GRM8: variants seen among roughly 807,000 people sequenced by gnomAD.
The protein encoded by GRM8 is metabotropic glutamate receptor 8.
A neutral mutation model predicts 87.2 loss-of-function variants in GRM8; 47 were observed. The ratio of observed to expected loss-of-function variants is 0.54; its 90% confidence interval spans 0.43 to 0.69. The LOEUF (loss-of-function observed/expected upper bound fraction) is 0.69, where lower values mean the gene tolerates loss of function less well. Ranked by LOEUF, GRM8 falls within the 30% of genes least tolerant of loss-of-function variation. The pLI, the probability that GRM8 is intolerant of heterozygous loss-of-function variation, is 0.00. For synonymous variants in GRM8, 396 were observed against 404.5 expected (o/e 0.98, Z 0.25); for missense variants, 1,019 against 1,139.2 (o/e 0.89, Z 1.52).
chr7:127,015,319 C>A (rs1208469026), intron 3 of GRM8, among the ~76,000 whole-genome samples: 1 of 151,618 alleles, frequency 6.6e-6, no homozygotes, highest in African/African-American at 2.4e-5. Context: ...GAGGAAGAGT[C>A]ATTCTGAGCA....
intron 7 of GRM8, among the ~76,000 whole-genome samples, chr7:126,630,084 A>C (rs893383473): frequency 4.6e-5 from 7 of 152,086 alleles, no homozygotes; most frequent in African/African-American, 1.7e-4. Context: ...TAAAACATGA[A>C]ATTCTTAACA....
At chr7:126,978,994 A>G (rs1195648867) in intron 3 of GRM8, among the ~76,000 whole-genome samples, 1 of 152,190 alleles carries the variant, frequency 6.6e-6, no homozygotes, top group African/African-American at 2.4e-5. Context: ...GCTAAATATA[A>G]TAGTCTGTCT....
chr7:126,798,202 T>C (rs1035232033), intron 6 of GRM8, among the ~76,000 whole-genome samples: 3 of 151,984 alleles, frequency 2.0e-5, no homozygotes, highest in Non-Finnish European at 1.5e-5. Context: ...ATTACCTTCA[T>C]AGGGGCAAAG....
intron 2 of GRM8, among the ~76,000 whole-genome samples, chr7:127,128,438 A>G (rs1477800160): frequency 2.6e-5 from 4 of 152,058 alleles, no homozygotes; most frequent in African/African-American, 9.7e-5. Context: ...CACTGTTTCC[A>G]TACAGCCTGG....
chr7:127,209,739 G>A (rs528023678), intron 2 of GRM8, among the ~76,000 whole-genome samples: 113 of 152,312 alleles, frequency 7.4e-4, no homozygotes, highest in African/African-American at 2.4e-3. Context: ...AGTTCCTCTG[G>A]TGATAACACA....
At chr7:126,587,270 G>C (rs565796174) in intron 8 of GRM8, among the ~76,000 whole-genome samples, 12 of 152,186 alleles carry the variant, frequency 7.9e-5, no homozygotes, top group Non-Finnish European at 1.3e-4. Flanking sequence ...TCAGTGTGGC[G>C]ATTCCTCAAG....
At chr7:127,051,361 C>A (rs551878376) in intron 3 of GRM8, among the ~76,000 whole-genome samples, 5 of 151,894 alleles carry the variant, frequency 3.3e-5, no homozygotes, top group African/African-American at 1.2e-4. Context: ...AAAACCTGCA[C>A]ACGTACCCTG....
chr7:127,160,744 G>C (rs540087236), intron 2 of GRM8, among the ~76,000 whole-genome samples: 1 of 152,188 alleles, frequency 6.6e-6, no homozygotes, highest in African/African-American at 2.4e-5. Flanking sequence ...ATTGAGGGAG[G>C]ATCAGAAGCA....
chr7:126,940,291 G>A (rs1331637266), intron 3 of GRM8, among the ~76,000 whole-genome samples: 1 of 152,122 alleles, frequency 6.6e-6, no homozygotes, highest in Non-Finnish European at 1.5e-5. Context: ...CCTGGCTAAT[G>A]CATTTACAGT....
intron 3 of GRM8, among the ~76,000 whole-genome samples, chr7:127,033,266 C>G (rs183129441): frequency 1.1e-3 from 171 of 152,026 alleles, no homozygotes; most frequent in African/African-American, 4.0e-3. Context: ...GGCTTCATTT[C>G]TCCAGCCTAA....
Position 126,556,477 on chromosome 7 carries a change from T to C in GRM8, c.1495-22590A>G, listed in dbSNP as rs1585043775. Among the ~76,000 whole-genome samples the C allele has an allele frequency of 3.3e-5, 5 of 151,410 alleles. No individual in the cohort carries two copies. The South Asian group carries it at 1.1e-3, about 32-fold the overall frequency. ...GCCTGGCCAACATGGTGAAACCCCGTCTCTACTAAAAATACAAAAATTAGC... is the reference window on the plus strand; with the variant it reads ...GCCTGGCCAACATGGTGAAACCCCGCCTCTACTAAAAATACAAAAATTAGC... On this transcript the variant is annotated intron_variant, in intron 8 of 10. Coordinates refer to ENST00000339582, the MANE Select transcript of GRM8 (RefSeq NM_000845.3).
At chr7:126,786,720 T>C (rs1326428823) in intron 6 of GRM8, among the ~76,000 whole-genome samples, 1 of 152,214 alleles carries the variant, frequency 6.6e-6, no homozygotes, top group African/African-American at 2.4e-5. Context: ...CTAGTTGTTC[T>C]ACTCTATATT....
At chr7:126,779,214 A>G (rs911153069) in intron 6 of GRM8, among the ~76,000 whole-genome samples, 2 of 152,078 alleles carry the variant, frequency 1.3e-5, no homozygotes, top group Non-Finnish European at 2.9e-5. Context: ...GATAAGGATC[A>G]TAAGTTTTTC....
chr7:127,051,738 G>GAAAA (rs1563454593), intron 3 of GRM8, among the ~76,000 whole-genome samples: 3 of 13,048 alleles, frequency 2.3e-4, no homozygotes, highest in Admixed American at 1.1e-3. Context: ...ATAATGTTGA[G>GAAAA]CAAAAAAAAA....
chr7:126,617,607 T>A (rs1343041661), intron 7 of GRM8, among the ~76,000 whole-genome samples: 46 of 146,944 alleles, frequency 3.1e-4, no homozygotes, highest in South Asian at 1.5e-3. Context: ...GCAGATGACA[T>A]GATTGTATAT....
intron 6 of GRM8, among the ~76,000 whole-genome samples, chr7:126,780,669 G>GT (rs200931525): frequency 0.026 from 2,931 of 113,630 alleles, 96 homozygotes; most frequent in African/African-American, 0.097. Flanking sequence ...AGTACAAGGA[G>GT]TGAGGCTCAG....
At chr7:127,005,739 TAACA>T (rs1586730808) in intron 3 of GRM8, among the ~76,000 whole-genome samples, 2 of 151,948 alleles carry the variant, frequency 1.3e-5, no homozygotes, top group East Asian at 3.9e-4. Flanking sequence ...TGTGTTCACC[TAACA>T]AACTGAAACT....
intron 3 of GRM8, among the ~76,000 whole-genome samples, chr7:127,081,133 A>G (rs17875008): frequency 6.6e-6 from 1 of 152,310 alleles, no homozygotes; most frequent in African/African-American, 2.4e-5. Flanking sequence ...CTTAATCCCT[A>G]GAATAGCACG....
At chr7:127,134,153 A>G (rs1827836527) in intron 2 of GRM8, among the ~76,000 whole-genome samples, 3 of 152,228 alleles carry the variant, frequency 2.0e-5, no homozygotes, top group Admixed American at 6.5e-5. Flanking sequence ...ACTAGGCATT[A>G]GCTGCTATGA....
Sources: gnomAD v4.1 joint callset for allele counts (sites outside exome capture counted in the v4.1 genomes callset) on GRCh38, gnomAD v4.1.1 for gene constraint, MANE v1.5 for transcripts, NCBI Gene and HGNC (gene_info 2026-07-23, HGNC 2026-07-21) for gene names.